RSPO2: variants seen among roughly 807,000 people sequenced by gnomAD.
RSPO2 encodes the protein R-spondin 2, also known as R-spondin-2.
A neutral mutation model predicts 30.9 loss-of-function variants in RSPO2; 14 were observed. That is an observed-to-expected ratio of 0.45 (90% CI 0.30 to 0.71). The LOEUF is 0.71. Among genes scored for constraint, RSPO2 ranks in the 30% least tolerant of loss-of-function variants. The pLI, the probability that RSPO2 is intolerant of heterozygous loss-of-function variation, is 0.08. For synonymous variants in RSPO2, 107 were observed against 96.4 expected (o/e 1.11, Z -0.64); for missense variants, 264 against 301.9 (o/e 0.87, Z 0.93).
At chr8:107,918,115 ATC>A (rs1195703517) in intron 5 of RSPO2, among the ~76,000 whole-genome samples, 1 of 152,204 alleles carries the variant, frequency 6.6e-6, no homozygotes, top group Non-Finnish European at 1.5e-5. Flanking sequence ...TAGACAAGTA[ATC>A]TTTTTTAAAA....
chr8:108,004,601 A>C (rs1335497284), intron 2 of RSPO2, among the ~76,000 whole-genome samples: 1 of 152,228 alleles, frequency 6.6e-6, no homozygotes, highest in Non-Finnish European at 1.5e-5. Context: ...AGCCAAAAGC[A>C]ACCTGCATCT....
intron 3 of RSPO2, among the ~76,000 whole-genome samples, chr8:107,968,032 A>C (rs1813870091): frequency 6.6e-6 from 1 of 152,142 alleles, no homozygotes; most frequent in African/African-American, 2.4e-5. Context: ...AGTTATTAAA[A>C]GTGAGCTTTT....
At chr8:107,935,465 A>G (rs966897082) in intron 5 of RSPO2, among the ~76,000 whole-genome samples, 3 of 152,132 alleles carry the variant, frequency 2.0e-5, no homozygotes, top group Non-Finnish European at 4.4e-5. Context: ...AACCTTGGCC[A>G]GAACTCTAAT....
At chr8:107,971,155 T>C (rs1353221057) in intron 3 of RSPO2, among the ~76,000 whole-genome samples, 3 of 152,222 alleles carry the variant, frequency 2.0e-5, no homozygotes, top group Non-Finnish European at 4.4e-5. Flanking sequence ...GGAAATATAA[T>C]AATAGAACGA....
At chr8:108,036,522 G>C (rs1351333906) in intron 2 of RSPO2, among the ~76,000 whole-genome samples, 1 of 152,220 alleles carries the variant, frequency 6.6e-6, no homozygotes, top group Non-Finnish European at 1.5e-5. Flanking sequence ...TGTGATGCCT[G>C]TGGCCATGGC....
intron 2 of RSPO2, among the ~76,000 whole-genome samples, chr8:108,039,875 T>C (rs1811700973): frequency 1.3e-5 from 2 of 152,150 alleles, no homozygotes; most frequent in Admixed American, 1.3e-4. Flanking sequence ...ATGGGATTAG[T>C]GCCCTTAGAA....
At chr8:107,926,087 G>A (rs1202871406) in intron 5 of RSPO2, among the ~76,000 whole-genome samples, 2 of 152,022 alleles carry the variant, frequency 1.3e-5, no homozygotes, top group African/African-American at 2.4e-5. Context: ...ACTTTTTAAT[G>A]ACTGCCATTC....
At chr8:108,015,313 C>T (rs1173707628) in intron 2 of RSPO2, among the ~76,000 whole-genome samples, 12 of 152,112 alleles carry the variant, frequency 7.9e-5, no homozygotes, top group Admixed American at 6.5e-4. Context: ...AATAGTACTA[C>T]CATTTATCTC....
At chr8:108,055,284 G>C (rs1163905444) in intron 2 of RSPO2, among the ~76,000 whole-genome samples, 1 of 152,190 alleles carries the variant, frequency 6.6e-6, no homozygotes, top group Admixed American at 6.5e-5. Context: ...GAGTGTATGA[G>C]AGACAGAAAG....
intron 2 of RSPO2, among the ~76,000 whole-genome samples, chr8:108,065,514 G>A (rs948471006): frequency 2.0e-5 from 3 of 151,888 alleles, no homozygotes; most frequent in Non-Finnish European, 4.4e-5. Flanking sequence ...ACTGTTAAAT[G>A]TACATATTAT....
intron 5 of RSPO2, among the ~76,000 whole-genome samples, chr8:107,956,014 T>C (rs1162831763): frequency 1.3e-5 from 2 of 152,224 alleles, no homozygotes; most frequent in African/African-American, 4.8e-5. Context: ...CTAGTCGCCA[T>C]GACCTATTGA....
intron 5 of RSPO2, among the ~76,000 whole-genome samples, chr8:107,952,519 CTA>C (rs1483121564): frequency 6.6e-6 from 1 of 152,130 alleles, no homozygotes; most frequent in Non-Finnish European, 1.5e-5. Flanking sequence ...TTGACAAACT[CTA>C]AAAGAAAAGA....
Position 108,023,745 on chromosome 8 carries a change from T to C in RSPO2, c.95-34501A>G, listed in dbSNP as rs536688040. On this transcript the variant is annotated intron_variant, in intron 2 of 5. Coordinates refer to ENST00000276659, the MANE Select transcript of RSPO2 (RefSeq NM_178565.5). Reference sequence around the variant, plus strand: ...GACAAACAAGTGTTTGGGAAATACATTGTCTCTAAGGCTACTGACAATAAA... The same window carrying C: ...GACAAACAAGTGTTTGGGAAATACACTGTCTCTAAGGCTACTGACAATAAA... 2.6e-5 allele frequency among the ~76,000 whole-genome samples: 4 copies of C among 152,254 alleles called. No individual in the cohort carries two copies. In the South Asian group the frequency reaches 8.3e-4, roughly 32 times the overall value.
chr8:107,988,554 T>G (rs574877541), intron 3 of RSPO2, among the ~76,000 whole-genome samples: 1 of 152,316 alleles, frequency 6.6e-6, no homozygotes, highest in East Asian at 1.9e-4. Flanking sequence ...TGTGGAATTG[T>G]GTCTTACAGC....
chr8:108,060,188 G>C (rs547971777), intron 2 of RSPO2, among the ~76,000 whole-genome samples: 14 of 151,828 alleles, frequency 9.2e-5, no homozygotes, highest in African/African-American at 2.4e-4. Context: ...GATGGAGAAT[G>C]ACTTTGACTA....
At chr8:108,031,659 G>A (rs1028491603) in intron 2 of RSPO2, among the ~76,000 whole-genome samples, 5 of 152,116 alleles carry the variant, frequency 3.3e-5, no homozygotes, top group African/African-American at 1.2e-4. Flanking sequence ...TAAAAACAAT[G>A]TTTACTGACA....
chr8:108,036,532 C>G (rs1241460502), intron 2 of RSPO2, among the ~76,000 whole-genome samples: 1 of 152,208 alleles, frequency 6.6e-6, no homozygotes, highest in Non-Finnish European at 1.5e-5. Context: ...GTGGCCATGG[C>G]GCTTTTCAAT....
chr8:107,936,573 C>A (rs898729350), intron 5 of RSPO2, among the ~76,000 whole-genome samples: 1 of 152,186 alleles, frequency 6.6e-6, no homozygotes, highest in African/African-American at 2.4e-5. Flanking sequence ...ATTTACATTT[C>A]CACCAATGGT....
intron 5 of RSPO2, among the ~76,000 whole-genome samples, chr8:107,912,865 C>A (rs1194087235): frequency 6.6e-6 from 1 of 152,064 alleles, no homozygotes; most frequent in Non-Finnish European, 1.5e-5. Flanking sequence ...TGAGTTTCTT[C>A]CAAATTATTA....
Sources: allele counts gnomAD v4.1 joint callset (sites outside exome capture counted in the v4.1 genomes callset), GRCh38; gene constraint gnomAD v4.1.1; transcripts MANE v1.5; gene names NCBI Gene and HGNC (gene_info 2026-07-23, HGNC 2026-07-21).